The following LRRC4C variants were observed in gnomAD, a reference collection of about 807,000 sequenced individuals.
The protein encoded by LRRC4C is leucine-rich repeat-containing protein 4C.
A neutral mutation model predicts 33.6 loss-of-function variants in LRRC4C; 5 were observed. The observed-to-expected ratio is 0.15, with a 90% CI of 0.08 to 0.31. The LOEUF is 0.31. Among genes scored for constraint, LRRC4C ranks in the 10% least tolerant of loss-of-function variants. LRRC4C has a pLI of 1.00. For missense variants in LRRC4C, 560 were observed against 796.7 expected, an observed-to-expected ratio of 0.70 and a Z score of 3.58; for synonymous variants, 329 against 302.0, an observed-to-expected ratio of 1.09 and a Z score of -0.93.
chr11:41,358,707 C>T (rs1952246710), intron 1 of LRRC4C, among the ~76,000 whole-genome samples: 1 of 151,972 alleles, frequency 6.6e-6, no homozygotes, highest in Non-Finnish European at 1.5e-5. Context: ...TTAGAATGGC[C>T]CAAATCTGGA....
At chr11:40,350,190 C>A (rs1450721863) in intron 3 of LRRC4C, among the ~76,000 whole-genome samples, 2 of 151,936 alleles carry the variant, frequency 1.3e-5, no homozygotes, top group African/African-American at 4.8e-5. Context: ...GAAGCATGTC[C>A]CCAATGTTTT....
At chr11:40,617,050 TG>T (rs996277895) in intron 3 of LRRC4C, among the ~76,000 whole-genome samples, 19 of 151,780 alleles carry the variant, frequency 1.3e-4, no homozygotes, top group African/African-American at 4.3e-4. Flanking sequence ...CCCATTACCA[TG>T]GGCTTCATTT....
intron 1 of LRRC4C, among the ~76,000 whole-genome samples, chr11:41,101,470 T>C (rs888262928): frequency 6.6e-6 from 1 of 152,058 alleles, no homozygotes; most frequent in Non-Finnish European, 1.5e-5. Context: ...CCAGGGAGAA[T>C]GGCTGTTATT....
At chr11:41,430,076 C>T (rs1955182623) in intron 1 of LRRC4C, among the ~76,000 whole-genome samples, 1 of 152,104 alleles carries the variant, frequency 6.6e-6, no homozygotes, top group African/African-American at 2.4e-5. Flanking sequence ...GCTAAGCTGC[C>T]TGGCTTCAAG....
chr11:40,812,696 C>T (rs1951541881), intron 2 of LRRC4C, among the ~76,000 whole-genome samples: 1 of 152,000 alleles, frequency 6.6e-6, no homozygotes, highest in South Asian at 2.1e-4. Flanking sequence ...TAATGGCATA[C>T]ATCCCAGTAT....
intron 3 of LRRC4C, among the ~76,000 whole-genome samples, chr11:40,390,344 T>C (rs1949287644): frequency 6.6e-6 from 1 of 152,190 alleles, no homozygotes; most frequent in Non-Finnish European, 1.5e-5. Flanking sequence ...GAATCCAAAA[T>C]AGACTTCTGA....
chr11:40,251,745 A>G (rs1266617237), intron 4 of LRRC4C, among the ~76,000 whole-genome samples: 1 of 152,178 alleles, frequency 6.6e-6, no homozygotes, highest in East Asian at 1.9e-4. Flanking sequence ...TTTGATTTAA[A>G]AGAGTTTATG....
At chr11:40,545,397 G>T (rs565836083) in intron 3 of LRRC4C, among the ~76,000 whole-genome samples, 28 of 152,074 alleles carry the variant, frequency 1.8e-4, no homozygotes, top group Admixed American at 6.6e-4. Flanking sequence ...TTTTATGAAA[G>T]AGTGGTTTTT....
At chr11:41,166,368 A>T (rs1020801141) in intron 1 of LRRC4C, among the ~76,000 whole-genome samples, 1 of 152,180 alleles carries the variant, frequency 6.6e-6, no homozygotes, top group Non-Finnish European at 1.5e-5. Context: ...TTTATTTTTC[A>T]TATAATTGTT....
intron 4 of LRRC4C, among the ~76,000 whole-genome samples, chr11:40,242,436 G>GA (rs1292336183): frequency 1.3e-5 from 2 of 152,100 alleles, no homozygotes; most frequent in African/African-American, 4.8e-5. Flanking sequence ...CTTTCTAGCA[G>GA]AAAATCAGAA....
chr11:40,785,311 A>C (rs1228310286), intron 2 of LRRC4C, among the ~76,000 whole-genome samples: 1 of 152,172 alleles, frequency 6.6e-6, no homozygotes, highest in East Asian at 1.9e-4. Context: ...ATGTCCTTCA[A>C]CTTTTAAACT....
intron 3 of LRRC4C, among the ~76,000 whole-genome samples, chr11:40,471,287 A>G (rs12574744): frequency 0.14 from 21,397 of 152,166 alleles, 1,587 homozygotes; most frequent in Admixed American, 0.15. Flanking sequence ...GCCAAACTAA[A>G]CTTCATAAGC....
intron 1 of LRRC4C, among the ~76,000 whole-genome samples, chr11:41,199,088 A>G (rs4756639): frequency 0.13 from 20,411 of 152,156 alleles, 1,670 homozygotes; most frequent in African/African-American, 0.22. Flanking sequence ...AGTGTAAAAG[A>G]CAACTGTATC....
At chr11:40,436,253 A>G (rs1169408927) in intron 3 of LRRC4C, among the ~76,000 whole-genome samples, 4 of 152,318 alleles carry the variant, frequency 2.6e-5, no homozygotes, top group East Asian at 1.9e-4. Flanking sequence ...ATAATTAAAT[A>G]TAAACAGAAA....
At chr11:41,324,469 G>A (rs1288146329) in intron 1 of LRRC4C, among the ~76,000 whole-genome samples, 1 of 152,180 alleles carries the variant, frequency 6.6e-6, no homozygotes, top group Non-Finnish European at 1.5e-5. Context: ...TTAGGAGGAA[G>A]AGGAGTTGAA....
intron 1 of LRRC4C, among the ~76,000 whole-genome samples, chr11:41,241,160 T>C (rs1438697915): frequency 6.6e-6 from 1 of 152,154 alleles, no homozygotes; most frequent in Non-Finnish European, 1.5e-5. Flanking sequence ...TGAGAAAGCA[T>C]GTAGGAGAAT....
chr11:40,166,109 ACAAATGTGTACATATGTTC>A (rs1219532769), intron 5 of LRRC4C, among the ~76,000 whole-genome samples: 1 of 152,210 alleles, frequency 6.6e-6, no homozygotes, highest in East Asian at 1.9e-4. Flanking sequence ...TATAACCAGT[ACAAATGTGTACATATGTTC>A]CAAATGTACA....
At chr11:41,271,730 T>G (rs979271041) in intron 1 of LRRC4C, among the ~76,000 whole-genome samples, 1 of 152,170 alleles carries the variant, frequency 6.6e-6, no homozygotes, top group Non-Finnish European at 1.5e-5. Flanking sequence ...GGAATTGTTT[T>G]GCTTGTCACT....
At chr11:40,906,708 C>G (rs1038893) in intron 2 of LRRC4C, among the ~76,000 whole-genome samples, 90,599 of 149,296 alleles carry the variant, frequency 0.61, 31,395 homozygotes, top group Non-Finnish European at 0.79. Flanking sequence ...CTCTCTCTCT[C>G]TGTGTGTGTG....
Sources: allele counts gnomAD v4.1 joint callset (sites outside exome capture counted in the v4.1 genomes callset), GRCh38; gene constraint gnomAD v4.1.1; transcripts MANE v1.5; gene names NCBI Gene and HGNC (gene_info 2026-07-23, HGNC 2026-07-21).